Variants in NR6A1 observed in about 807,000 individuals in gnomAD.
NR6A1 encodes the protein nuclear receptor subfamily 6 group A member 1, also known as retinoic acid receptor-related testis-associated receptor.
A neutral mutation model predicts 59.1 loss-of-function variants in NR6A1; 7 were observed. That is an observed-to-expected ratio of 0.12 (90% CI 0.07 to 0.22). The LOEUF is 0.22. Ranked by LOEUF, NR6A1 falls within the 10% of genes least tolerant of loss-of-function variation. The pLI is 1.00. For missense variants in NR6A1, 468 were observed against 611.6 expected (o/e 0.77, Z 2.48); for synonymous variants, 243 against 236.1 (o/e 1.03, Z -0.27).
chr9:124,657,519 G>T (rs1837295396), intron 2 of NR6A1, among the ~76,000 whole-genome samples: 1 of 152,176 alleles, frequency 6.6e-6, no homozygotes, highest in Non-Finnish European at 1.5e-5. Context: ...AAACTTTAAA[G>T]AAGTGTCAAC....
chr9:124,655,408 T>C (rs1176409298), intron 2 of NR6A1, among the ~76,000 whole-genome samples: 2 of 152,220 alleles, frequency 1.3e-5, no homozygotes, highest in Non-Finnish European at 2.9e-5. Flanking sequence ...GTTTTGAAGA[T>C]TAAATTAGCT....
chr9:124,727,594 A>G (rs1256541403), intron 2 of NR6A1, among the ~76,000 whole-genome samples: 1 of 152,234 alleles, frequency 6.6e-6, no homozygotes, highest in Non-Finnish European at 1.5e-5. Context: ...AGATAGAAGT[A>G]CTTCAAATTC....
chr9:124,567,958 G>C (rs538657467), intron 2 of NR6A1, among the ~76,000 whole-genome samples: 1 of 145,450 alleles, frequency 6.9e-6, no homozygotes, highest in Non-Finnish European at 1.5e-5. Context: ...GGTGGATCAC[G>C]AGGTCAAGAG....
chr9:124,710,418 C>T (rs1263028169), intron 2 of NR6A1, among the ~76,000 whole-genome samples: 4 of 152,204 alleles, frequency 2.6e-5, no homozygotes, highest in African/African-American at 9.7e-5. Flanking sequence ...CATACACACA[C>T]AATGTTGAGG....
At position 124,659,271 on chromosome 9, in the gene NR6A1, C is replaced by A. The variant is rs543710488; in HGVS notation, c.142+74037G>T. ...GCAGTGGGTGAGACAGGTCAGCCAG[C>A]TGCAGGGGCGGGAGCGGGGGGGCGG... On this transcript the variant is annotated intron_variant, in intron 2 of 9. Transcript: ENST00000487099. 2.4e-3 allele frequency among the ~76,000 whole-genome samples: 341 copies of A among 141,716 alleles called. 3 individuals are homozygous for A. Among genetic ancestry groups the A allele is most frequent in the Non-Finnish European group, 5.1e-4 (33 of 65,032 alleles). The allele number at this position is 141,716 out of a possible 152,430, so 93.0% of individuals were successfully genotyped here.
At chr9:124,628,586 T>C (rs1265074838) in intron 2 of NR6A1, among the ~76,000 whole-genome samples, 1 of 150,844 alleles carries the variant, frequency 6.6e-6, no homozygotes, top group African/African-American at 2.4e-5. Context: ...TTGTGATCCG[T>C]CCGCCTTGGC....
At chr9:124,584,960 A>G (rs1435888933) in intron 2 of NR6A1, among the ~76,000 whole-genome samples, 1 of 152,254 alleles carries the variant, frequency 6.6e-6, no homozygotes, top group Non-Finnish European at 1.5e-5. Flanking sequence ...AAGGAAATTA[A>G]AAGTGCTACT....
At chr9:124,714,327 G>A (rs1409429629) in intron 2 of NR6A1, among the ~76,000 whole-genome samples, 1 of 152,202 alleles carries the variant, frequency 6.6e-6, no homozygotes, top group African/African-American at 2.4e-5. Flanking sequence ...TGCACAACCA[G>A]TGTGAATGTA....
chr9:124,735,205 C>A (rs1839989787), intron 1 of NR6A1, among the ~76,000 whole-genome samples: 1 of 152,196 alleles, frequency 6.6e-6, no homozygotes, highest in African/African-American at 2.4e-5. Flanking sequence ...CACATTCTTT[C>A]TTGCCTTTCT....
At chr9:124,545,368 A>T (rs536059601) in intron 3 of NR6A1, among the ~76,000 whole-genome samples, 1 of 152,300 alleles carries the variant, frequency 6.6e-6, no homozygotes, top group South Asian at 2.1e-4. Flanking sequence ...CCAAGGTTCT[A>T]TTCTCAACTT....
chr9:124,601,233 G>A (rs562752422), intron 2 of NR6A1, among the ~76,000 whole-genome samples: 3 of 151,908 alleles, frequency 2.0e-5, no homozygotes, highest in East Asian at 1.9e-4. Flanking sequence ...CAGAGATCAC[G>A]CCACTGCACT....
At chr9:124,687,295 T>TTAA (rs571265880) in intron 2 of NR6A1, among the ~76,000 whole-genome samples, 607 of 51,802 alleles carry the variant, frequency 0.012, 5 homozygotes, top group African/African-American at 0.047. Flanking sequence ...TAATTAATTA[T>TTAA]TTATTTATTT....
At chr9:124,749,274 AAAAG>A (rs2131168298) in intron 1 of NR6A1, among the ~76,000 whole-genome samples, 1 of 152,284 alleles carries the variant, frequency 6.6e-6, no homozygotes, top group South Asian at 2.1e-4. Context: ...AAAAAAAAAA[AAAAG>A]AGTTACCCAT....
chr9:124,654,859 ACATT>A (rs1837206503), intron 2 of NR6A1, among the ~76,000 whole-genome samples: 1 of 127,390 alleles, frequency 7.8e-6, no homozygotes, highest in Non-Finnish European at 1.7e-5. Context: ...TTTTATACAT[ACATT>A]TTTTTTTTTT....
intron 2 of NR6A1, among the ~76,000 whole-genome samples, chr9:124,591,098 A>G (rs1306830689): frequency 1.3e-5 from 2 of 152,224 alleles, no homozygotes; most frequent in Non-Finnish European, 2.9e-5. Flanking sequence ...CTAAATTTCC[A>G]AAGAGCCCCT....
chr9:124,763,296 G>A (rs1047157360), intron 1 of NR6A1, among the ~76,000 whole-genome samples: 2 of 152,180 alleles, frequency 1.3e-5, no homozygotes, highest in African/African-American at 4.8e-5. Flanking sequence ...AGAATATAAT[G>A]ACTACTAATA....
At position 124,567,117 on chromosome 9, in the gene NR6A1, A is replaced by T. The variant is rs372894052; in HGVS notation, c.143-12547T>A. Among the ~76,000 whole-genome samples, 238 of 152,056 alleles carry T rather than the reference A, an allele frequency of 1.6e-3. 1 individual carries two copies. The highest frequency in any genetic ancestry group is 3.5e-3 in the South Asian group (17 of 4,814). On this transcript the variant is annotated intron_variant, in intron 2 of 9. Transcript: ENST00000487099. ...AGCGAGACTCCGTCTCAAAAAAAAA[A>T]AAATAAATAAAAATAAAGAGAGGAC...
chr9:124,563,913 G>A (rs1031805035), intron 2 of NR6A1, among the ~76,000 whole-genome samples: 3 of 151,910 alleles, frequency 2.0e-5, no homozygotes, highest in Non-Finnish European at 1.5e-5. Context: ...CCATCCCTAC[G>A]AAAAATAAAC....
chr9:124,566,455 A>C lies in NR6A1; in HGVS notation c.143-11885T>G, dbSNP rs556313599. Among the ~76,000 whole-genome samples, 8 of 152,368 alleles carry C rather than the reference A, an allele frequency of 5.3e-5. 1 individual carries two copies. The South Asian group carries it at 1.7e-3, about 32-fold the overall frequency. On this transcript the variant is annotated intron_variant, in intron 2 of 9. Transcript: ENST00000487099. ...TCCAAGAAAGGGAAATGATATCAGCAACGGCAAAAGGAAGGAAAACAAACG... is the reference window on the plus strand; with the variant it reads ...TCCAAGAAAGGGAAATGATATCAGCCACGGCAAAAGGAAGGAAAACAAACG...
Sources: allele counts gnomAD v4.1 joint callset (sites outside exome capture counted in the v4.1 genomes callset), GRCh38; gene constraint gnomAD v4.1.1; transcripts MANE v1.5; gene names NCBI Gene and HGNC (gene_info 2026-07-23, HGNC 2026-07-21).